The following ERVV-2 variants were observed in gnomAD, a reference collection of about 807,000 sequenced individuals.
ERVV-2 encodes endogenous retrovirus group V member 2, envelope.
For synonymous variants in ERVV-2, 105 were observed against 184.6 expected, an observed-to-expected ratio of 0.57 and a Z score of 3.49; for missense variants, 291 against 495.1, an observed-to-expected ratio of 0.59 and a Z score of 3.91.
chr19:53,048,765 C>A, intron 1 of ERVV-2, 102 bp from the exon 2 acceptor site: 1 of 224,886 alleles, frequency 4.4e-6, no homozygotes, highest in South Asian at 7.4e-5. Context: ...AATCAACACC[C>A]ATTATACCAA....
Position 53,051,637 on chromosome 19 carries a change from T to G in ERVV-2, c.*778T>G, listed in dbSNP as rs2083914721. On this transcript the variant is annotated 3_prime_UTR_variant, in exon 2 of 2. Transcript: ENST00000601417. ...AAGGCACTAGCAGCTGGCTCATTCT[T>G]CTGATGTCCTCTCTTTTTAAATAAA... is the stretch of plus-strand genomic sequence containing the variant. 6.6e-6 allele frequency among the ~76,000 whole-genome samples: 1 copy of G among 152,184 alleles called. No homozygotes were observed. Among genetic ancestry groups the G allele is most frequent in the South Asian group, 2.1e-4 (1 of 4,828 alleles).
intron 1 of ERVV-2, among the ~76,000 whole-genome samples, chr19:53,046,811 G>A (rs998479054): frequency 7.9e-5 from 12 of 152,250 alleles, no homozygotes; most frequent in East Asian, 7.7e-4. Context: ...CAGCACTTTC[G>A]GAGGCCAAGG....
rs138275902 is a variant in ERVV-2, at chr19:53,051,010, A to AGG, written c.*151_*152insGG. ...TATTAGGGTAGGCAGGTAGGCAGGC[A>AGG]TGAGCAGGCAAGAGAGCCCTTGGGA... On this transcript the variant is annotated 3_prime_UTR_variant, in exon 2 of 2. Transcript: ENST00000601417. 2 of 475,122 alleles carry AGG rather than the reference A, an allele frequency of 4.2e-6. No individual in the cohort carries two copies. The highest frequency in any genetic ancestry group is 3.4e-6 in the Non-Finnish European group (1 of 296,662). The allele number at this position is 475,122 out of a possible 1,614,324, so 29.4% of individuals were successfully genotyped here.
At position 53,044,870 on chromosome 19, in the gene ERVV-2, A is replaced by T. The variant is rs1469295969; in HGVS notation, c.-474A>T. On this transcript the variant is annotated 5_prime_UTR_variant, in exon 1 of 2. An upstream open reading frame in the 5' UTR gains an earlier in-frame stop. Coordinates refer to ENST00000601417, the MANE Select transcript of ERVV-2 (RefSeq NM_001191055.2). ...TGCGCATCTCTTGACTGAATCCAAG[A>T]AGACCAAGAACCAGAGGACTTCCAC... The T allele has an allele frequency of 6.6e-6, 1 of 152,154 alleles. No homozygotes were observed. Among genetic ancestry groups the T allele is most frequent in the Non-Finnish European group, 1.5e-5 (1 of 68,036 alleles). 9.4% of individuals were successfully genotyped at this position (152,154 alleles called of 1,614,324 possible).
At position 53,050,659 on chromosome 19, in the gene ERVV-2, C is replaced by A. The variant is rs1310033003; in HGVS notation, c.1408C>A (p.Leu470Ile). ...LLGPATVILL[L>I]FLFGPCFFNL... ...GGGACCAGCAACAGTTATACTCTTACTTTTCCTCTTTGGCCCTTGTTTCTT... is the reference window on the plus strand; with the variant it reads ...GGGACCAGCAACAGTTATACTCTTAATTTTCCTCTTTGGCCCTTGTTTCTT... Residue 470 changes from leucine (L) to isoleucine (I), a missense_variant, in exon 2 of 2, where the codon CTT (leucine) becomes ATT (isoleucine). By Grantham distance (5) the Leu-to-Ile change is conservative (BLOSUM62 2). Transcript: ENST00000601417. 16 of 1,477,810 alleles carry A rather than the reference C, an allele frequency of 1.1e-5. No individual in the cohort carries two copies. Among genetic ancestry groups the A allele is most frequent in the Non-Finnish European group, 1.5e-5 (16 of 1,094,236 alleles). 91.5% of individuals were successfully genotyped at this position (1,477,810 alleles called of 1,614,324 possible). A position where few individuals can be genotyped will look rare whatever the true frequency, so the allele number is the denominator to read the frequency against.
rs1055677436 is a variant in ERVV-2, at chr19:53,051,229, C to G, written c.*370C>G. On this transcript the variant is annotated 3_prime_UTR_variant, in exon 2 of 2. Coordinates refer to ENST00000601417, the MANE Select transcript of ERVV-2 (RefSeq NM_001191055.2). ...TGGTGCGATCTCGGCTCACTGCACC[C>G]TCCACCTCCCAGGTTCAATTGATTC... 1.3e-5 allele frequency among the ~76,000 whole-genome samples: 2 copies of G among 150,294 alleles called. No individual in the cohort carries two copies. The highest frequency in any genetic ancestry group is 4.9e-5 in the African/African-American group (2 of 40,492).
At chr19:53,048,425 C>T (rs1489506087) in intron 1 of ERVV-2, among the ~76,000 whole-genome samples, 1 of 150,820 alleles carries the variant, frequency 6.6e-6, no homozygotes, top group African/African-American at 2.4e-5. Flanking sequence ...TGCCTGTAAT[C>T]CCAGTACTTT....
In ERVV-2 at chr19:53,047,290, G is replaced by A. The variant is rs531499802; in HGVS notation, c.-385-1577G>A. Reference sequence around the variant, plus strand: ...TTGAACCCAGGAGGCGGAGGTTACCGTGAGCCAAGATAGCGCCACTGCACT... The same window carrying A: ...TTGAACCCAGGAGGCGGAGGTTACCATGAGCCAAGATAGCGCCACTGCACT... On this transcript the variant is annotated intron_variant, in intron 1 of 1. Coordinates refer to ENST00000601417, the MANE Select transcript of ERVV-2 (RefSeq NM_001191055.2). Among the ~76,000 whole-genome samples the A allele has an allele frequency of 3.3e-5, 5 of 152,294 alleles. No individual in the cohort carries two copies. In the East Asian group the frequency reaches 7.7e-4, roughly 24 times the overall value.
Position 53,044,776 on chromosome 19 carries a change from G to T in ERVV-2, c.-568G>T, listed in dbSNP as rs900702695. ...TTTCAGGAGCCCACTCGGTTCTGTCGTTCAGGGTGTCGCTTCTTTCTGAGC... is the reference window on the plus strand; with the variant it reads ...TTTCAGGAGCCCACTCGGTTCTGTCTTTCAGGGTGTCGCTTCTTTCTGAGC... On this transcript the variant is annotated 5_prime_UTR_variant, in exon 1 of 2. Coordinates refer to ENST00000601417, the MANE Select transcript of ERVV-2 (RefSeq NM_001191055.2). The T allele has an allele frequency of 6.6e-6, 1 of 152,044 alleles. No individual in the cohort carries two copies. The highest frequency in any genetic ancestry group is 1.5e-5 in the Non-Finnish European group (1 of 68,034). The allele number at this position is 152,044 out of a possible 1,614,324, so 9.4% of individuals were successfully genotyped here.
At chr19:53,048,503 C>A (rs2083899138) in intron 1 of ERVV-2, among the ~76,000 whole-genome samples, 1 of 151,808 alleles carries the variant, frequency 6.6e-6, no homozygotes, top group South Asian at 2.1e-4. Flanking sequence ...TGTGGAGAAA[C>A]CTTGTCTACT....
intron 1 of ERVV-2, among the ~76,000 whole-genome samples, chr19:53,047,295 C>T (rs1192574158): frequency 6.6e-6 from 1 of 152,170 alleles, no homozygotes; most frequent in Non-Finnish European, 1.5e-5. Context: ...TTACCGTGAG[C>T]CAAGATAGCG....
chr19:53,050,502 G>A lies in ERVV-2; in HGVS notation c.1251G>A (p.Glu417=), dbSNP rs141112128. ...CVYVNNSGAI[E]EDIKKIYDEA... ...ATGTCAATAACAGTGGGGCGATAGA[G>A]GAGGATATAAAAAAGATCTATGATG... The change falls in exon 2 of 2, where the codon GAG becomes GAA. Residue 417 remains glutamate, a synonymous_variant. Coordinates refer to ENST00000601417, the MANE Select transcript of ERVV-2 (RefSeq NM_001191055.2). The A allele has an allele frequency of 4.4e-3, 3,219 of 724,026 alleles. 42 individuals carry two copies. The highest frequency in any genetic ancestry group is 0.034 in the African/African-American group (1,953 of 57,742). The allele number at this position is 724,026 out of a possible 1,614,324, so 44.9% of individuals were successfully genotyped here.
In ERVV-2 at chr19:53,051,136, CTTT is replaced by C. The variant is rs57887970; in HGVS notation, c.*303_*305del. The C allele has an allele frequency of 1.2e-3, 138 of 111,228 alleles. No individual in the cohort carries two copies. Among genetic ancestry groups the C allele is most frequent in the South Asian group, 4.2e-3 (17 of 4,010 alleles). The allele number at this position is 111,228 out of a possible 1,614,324, so 6.9% of individuals were successfully genotyped here. A position where few individuals can be genotyped will look rare whatever the true frequency, so the allele number is the denominator to read the frequency against. Reference sequence around the variant, plus strand: ...TAACCCATCCTAGAACAGCCTTTTGCTTTTTTTTTTTTTTTTTTTTTTTTTTTT... The same window carrying C: ...TAACCCATCCTAGAACAGCCTTTTGCTTTTTTTTTTTTTTTTTTTTTTTTT... On this transcript the variant is annotated 3_prime_UTR_variant, in exon 2 of 2. Transcript: ENST00000601417.
intron 1 of ERVV-2, among the ~76,000 whole-genome samples, chr19:53,047,868 T>A (rs1165248187): frequency 2.0e-5 from 3 of 152,190 alleles, no homozygotes; most frequent in Non-Finnish European, 4.4e-5. Context: ...CTGATTTTCC[T>A]TTGCAATATA....
rs12975258 is a variant in ERVV-2 at position 53,051,664 on chromosome 19, C to T, written c.*805C>T. 2.6e-5 allele frequency among the ~76,000 whole-genome samples: 4 copies of T among 152,164 alleles called. No individual in the cohort carries two copies. In the East Asian group the frequency reaches 7.8e-4, roughly 30 times the overall value. On this transcript the variant is annotated 3_prime_UTR_variant, in exon 2 of 2. Coordinates refer to ENST00000601417, the MANE Select transcript of ERVV-2 (RefSeq NM_001191055.2). The stretch of plus-strand genomic sequence containing the variant: ...TGATGTCCTCTCTTTTTAAATAAAG[C>T]TTACTTAACCCTTTAACTCTTTCTG...
In ERVV-2 at chr19:53,051,658, A is replaced by G. The variant is rs991591186; in HGVS notation, c.*799A>G. 3.9e-5 allele frequency among the ~76,000 whole-genome samples: 6 copies of G among 152,164 alleles called. No homozygotes were observed. Among genetic ancestry groups the G allele is most frequent in the Non-Finnish European group, 8.8e-5 (6 of 68,032 alleles). ...TTCTTCTGATGTCCTCTCTTTTTAA[A>G]TAAAGCTTACTTAACCCTTTAACTC... On this transcript the variant is annotated 3_prime_UTR_variant, in exon 2 of 2. Transcript: ENST00000601417.
At position 53,050,873 on chromosome 19, in the gene ERVV-2, A is replaced by T. The variant is rs2083910707; in HGVS notation, c.*14A>T. 5 of 1,501,728 alleles carry T rather than the reference A, an allele frequency of 3.3e-6. No individual in the cohort carries two copies. 93.0% of individuals were successfully genotyped at this position (1,501,728 alleles called of 1,614,324 possible). ...TTTTCTCTCTGAGACAGAGCAAGAG[A>T]GGGAGACCCTGATGACTTCTTCGCC... On this transcript the variant is annotated 3_prime_UTR_variant, in exon 2 of 2. Coordinates refer to ENST00000601417, the MANE Select transcript of ERVV-2 (RefSeq NM_001191055.2).
intron 1 of ERVV-2, among the ~76,000 whole-genome samples, chr19:53,046,169 G>A (rs2083890080): frequency 6.6e-6 from 1 of 152,124 alleles, no homozygotes; most frequent in South Asian, 2.1e-4. Context: ...GGCTGAGGCA[G>A]GAGAATCGCT....
chr19:53,047,090 CAG>C (rs2083894194), intron 1 of ERVV-2, among the ~76,000 whole-genome samples: 1 of 151,902 alleles, frequency 6.6e-6, no homozygotes, highest in Non-Finnish European at 1.5e-5. Context: ...ACCCTGGACA[CAG>C]AGGTTGCAGT....
Sources: gnomAD v4.1 joint callset for allele counts (sites outside exome capture counted in the v4.1 genomes callset) on GRCh38, gnomAD v4.1.1 for gene constraint, MANE v1.5 for transcripts, NCBI Gene and HGNC (gene_info 2026-07-23, HGNC 2026-07-21) for gene names.